Variants in LPAR6 observed in about 807,000 individuals in gnomAD.
LPAR6 encodes the protein G-protein coupled purinergic receptor P2Y5.
LPAR6 carries 17 observed loss-of-function variants against 22.0 expected under a neutral mutation model. The observed-to-expected ratio is 0.77, with a 90% CI of 0.53 to 1.16. LPAR6 has a LOEUF of 1.16. LPAR6 is among the 50% of genes most tolerant of loss of function. LPAR6 has a pLI of 0.00. For missense variants in LPAR6, 384 were observed against 406.9 expected (o/e 0.94, Z 0.48); for synonymous variants, 136 against 139.8 (o/e 0.97, Z 0.19).
Position 48,412,463 on chromosome 13 carries a change from A to G in LPAR6, c.-40T>C, listed in dbSNP as rs1367987283. The stretch of plus-strand genomic sequence containing the variant: ...CAATTTTCAGTTTGGAAGCACTTTC[A>G]TCAGCTGCAGTCTCCTTTGGGATTC... On this transcript the variant is annotated 5_prime_UTR_variant, in exon 1 of 1. The change abolishes an upstream ATG in the 5' untranslated region. Coordinates refer to ENST00000620633, the MANE Select transcript of LPAR6 (RefSeq NM_001162498.3). The G allele has an allele frequency of 1.5e-6, 2 of 1,333,684 alleles. No individual in the cohort carries two copies. The highest frequency in any genetic ancestry group is 1.1e-6 in the Non-Finnish European group (1 of 924,158). 82.6% of individuals were successfully genotyped at this position (1,333,684 alleles called of 1,614,324 possible). A position where few individuals can be genotyped will look rare whatever the true frequency, so the allele number is the denominator to read the frequency against.
chr13:48,406,751 A>G (rs541069449), downstream of LPAR6: 4 of 152,326 alleles, frequency 2.6e-5, no homozygotes, highest in South Asian at 8.3e-4. Flanking sequence ...CTAGACAAGT[A>G]AAAACAAAGA....
At chr13:48,414,785 A>T (rs1458693434), upstream of LPAR6, among the ~76,000 whole-genome samples, 5 of 152,220 alleles carry the variant, frequency 3.3e-5, no homozygotes, top group African/African-American at 1.2e-4. Flanking sequence ...CAAATGACAA[A>T]AAAAGATGAG....
In LPAR6 at chr13:48,411,559, T is replaced by C. The variant is rs936371960; in HGVS notation, c.865A>G (p.Ile289Val). ...GTGTCCGATGTAAAGTAGTAAACTA[T>C]AGGGTCAAAACAACAGTTGGAAACA... ...IAVSNCCFDPIVYYFTSDTIQ... is the reference protein window; with the variant it reads ...IAVSNCCFDPVVYYFTSDTIQ... Residue 289 changes from isoleucine (I) to valine (V), a missense_variant, in exon 1 of 1, where the codon ATA becomes GTA. Ile to Val is a conservative substitution (Grantham distance 29). Transcript: ENST00000620633. 3 of 1,613,680 alleles carry C rather than the reference T, an allele frequency of 1.9e-6. No homozygotes were observed. The highest frequency in any genetic ancestry group is 2.7e-5 in the African/African-American group (2 of 74,904).
chr13:48,412,198 A>G lies in LPAR6; in HGVS notation c.226T>C (p.Tyr76His). Reference sequence around the variant, plus strand: ...AATGGCCAATTCCGTGTTGTGAAGTAAAAAATCCTGAAGGGTAAAGTAAAA... The same window carrying G: ...AATGGCCAATTCCGTGTTGTGAAGTGAAAAATCCTGAAGGGTAAAGTAAAA... ...FVFTLPFRIFYFTTRNWPFGD... is the reference protein window; with the variant it reads ...FVFTLPFRIFHFTTRNWPFGD... Residue 76 changes from tyrosine to histidine, a missense_variant, in exon 1 of 1, where the codon TAC becomes CAC. Transcript: ENST00000620633. The G allele has an allele frequency of 6.2e-7, 1 of 1,613,992 alleles. No individual in the cohort carries two copies. The highest frequency in any genetic ancestry group is 1.1e-5 in the South Asian group (1 of 91,082).
intron 1 of LPAR6, among the ~76,000 whole-genome samples, chr13:48,443,788 T>C (rs1184313882): frequency 6.6e-6 from 1 of 152,194 alleles, no homozygotes; most frequent in East Asian, 1.9e-4. Context: ...CCTGGCTATG[T>C]TTTATATTGC....
chr13:48,392,150 G>T (rs1948615609), intron 1 of LPAR6, among the ~76,000 whole-genome samples: 1 of 149,782 alleles, frequency 6.7e-6, no homozygotes, highest in Admixed American at 6.7e-5. Flanking sequence ...TCGCTCTTTT[G>T]CCCAGGCTGG....
At chr13:48,432,594 A>G (rs187023814) in intron 1 of LPAR6, among the ~76,000 whole-genome samples, 30 of 151,918 alleles carry the variant, frequency 2.0e-4, no homozygotes, top group Non-Finnish European at 3.7e-4. Context: ...TTACTCTTTA[A>G]TGCTTTGGTT....
chr13:48,401,740 T>A (rs1345789506), intron 1 of LPAR6, among the ~76,000 whole-genome samples: 1 of 152,184 alleles, frequency 6.6e-6, no homozygotes, highest in Non-Finnish European at 1.5e-5. Context: ...TAGAACATGA[T>A]AAGGAAACGT....
chr13:48,395,904 A>T (rs755976280), intron 1 of LPAR6, among the ~76,000 whole-genome samples: 7 of 152,202 alleles, frequency 4.6e-5, no homozygotes, highest in Non-Finnish European at 8.8e-5. Context: ...ACTCCTCAAG[A>T]AGAGGAACCC....
At chr13:48,389,979 C>G (rs187480207) in intron 1 of LPAR6, among the ~76,000 whole-genome samples, 31 of 152,164 alleles carry the variant, frequency 2.0e-4, no homozygotes, top group African/African-American at 7.2e-4. Flanking sequence ...ATAGGGAGAC[C>G]CTGTCTCTAC....
chr13:48,419,100 A>G (rs1330956467), intron 2 of LPAR6, among the ~76,000 whole-genome samples: 3 of 152,206 alleles, frequency 2.0e-5, no homozygotes, highest in Non-Finnish European at 4.4e-5. Context: ...TCTTAGCACC[A>G]CATCACACTT....
At chr13:48,434,694 C>T (rs1448477696) in intron 1 of LPAR6, among the ~76,000 whole-genome samples, 1 of 152,160 alleles carries the variant, frequency 6.6e-6, no homozygotes, top group East Asian at 1.9e-4. Context: ...TCCATGTATC[C>T]ACCACCACAA....
chr13:48,415,383 A>G (rs149966046), upstream of LPAR6, among the ~76,000 whole-genome samples: 846 of 151,256 alleles, frequency 5.6e-3, 5 homozygotes, highest in Middle Eastern at 0.01. Context: ...AGGTTCCAGC[A>G]ATTTTCCCAC....
intron 1 of LPAR6, chr13:48,423,849 C>A (rs1453207854): frequency 6.6e-6 from 1 of 152,204 alleles, no homozygotes; most frequent in Non-Finnish European, 1.5e-5. Flanking sequence ...GAGTTTGGGG[C>A]TTCATTGCTC....
upstream of LPAR6, among the ~76,000 whole-genome samples, chr13:48,430,567 C>T (rs1220966817): frequency 2.0e-5 from 3 of 152,044 alleles, no homozygotes; most frequent in African/African-American, 7.2e-5. Context: ...TGGTGAAACC[C>T]CGTCTCTACT....
downstream of LPAR6, among the ~76,000 whole-genome samples, chr13:48,407,914 G>A (rs1304844561): frequency 1.3e-5 from 2 of 152,128 alleles, no homozygotes; most frequent in African/African-American, 4.8e-5. Flanking sequence ...AAGTTTAGGT[G>A]CTGGAAGGTA....
chr13:48,425,879 G>C (rs1040266554), intron 1 of LPAR6, among the ~76,000 whole-genome samples: 8 of 152,260 alleles, frequency 5.3e-5, no homozygotes, highest in Middle Eastern at 3.4e-3. Flanking sequence ...TACAGACCAA[G>C]AAACTAAAAT....
In LPAR6 at chr13:48,411,801, A is replaced by G; in HGVS notation, c.623T>C (p.Leu208Pro). Residue 208 changes from leucine to proline, a missense_variant, in exon 1 of 1, where the codon CTA becomes CCA. Physicochemically the swap from Leu to Pro is moderately conservative, Grantham distance 98. Transcript: ENST00000620633. The part of the protein sequence containing the change: ...ILNVTCSSMV[L>P]KTLTKPVTLS... ...TGTAACAGGTTTGGTTAAAGTTTTT[A>G]GCACCATACTAGAACAAGTTACATT... 2 of 1,612,834 alleles carry G rather than the reference A, an allele frequency of 1.2e-6. No individual in the cohort carries two copies. The highest frequency in any genetic ancestry group is 1.7e-6 in the Non-Finnish European group (2 of 1,178,912).
At chr13:48,433,399 C>T (rs184517898) in intron 1 of LPAR6, among the ~76,000 whole-genome samples, 3 of 151,772 alleles carry the variant, frequency 2.0e-5, no homozygotes, top group Non-Finnish European at 4.4e-5. Context: ...AAGATGTATA[C>T]TATTTGAAGA....
Sources: allele counts gnomAD v4.1 joint callset (sites outside exome capture counted in the v4.1 genomes callset), GRCh38; gene constraint gnomAD v4.1.1; transcripts MANE v1.5; gene names NCBI Gene and HGNC (gene_info 2026-07-23, HGNC 2026-07-21).